Variants in ITK observed in about 807,000 individuals in gnomAD.
ITK encodes the protein tyrosine-protein kinase ITK/TSK.
Under a neutral mutation model 87.6 loss-of-function variants are expected in ITK, and 45 were observed. The observed-to-expected ratio is 0.51, with a 90% CI of 0.40 to 0.66. The LOEUF (loss-of-function observed/expected upper bound fraction) is 0.66. Ranked by LOEUF, ITK falls within the 30% of genes least tolerant of loss-of-function variation. The pLI is 0.00. For synonymous variants in ITK, 303 were observed against 273.6 expected, an observed-to-expected ratio of 1.11 and a Z score of -1.06; for missense variants, 605 against 766.3, an observed-to-expected ratio of 0.79 and a Z score of 2.48.
intron 1 of ITK, among the ~76,000 whole-genome samples, chr5:157,202,428 A>T (rs1580881715): frequency 6.6e-6 from 1 of 152,050 alleles, no homozygotes; most frequent in South Asian, 2.1e-4. Context: ...TGCCCAGGCT[A>T]GTCTCGAACT....
intron 1 of ITK, among the ~76,000 whole-genome samples, chr5:157,207,722 G>C (rs888577622): frequency 3.3e-5 from 5 of 152,066 alleles, no homozygotes; most frequent in African/African-American, 1.2e-4. Flanking sequence ...CTAAAATTAA[G>C]TCTACAAGTC....
At chr5:157,216,693 G>A (rs1362257456) in intron 4 of ITK, among the ~76,000 whole-genome samples, 1 of 152,124 alleles carries the variant, frequency 6.6e-6, no homozygotes, top group African/African-American at 2.4e-5. Flanking sequence ...GTCATAGAAT[G>A]TCCAGGGCTG....
At chr5:157,204,275 G>A (rs1276746351) in intron 1 of ITK, among the ~76,000 whole-genome samples, 1 of 152,180 alleles carries the variant, frequency 6.6e-6, no homozygotes, top group Admixed American at 6.5e-5. Flanking sequence ...AAAGATCTGG[G>A]ATTGGCTGGG....
At chr5:157,248,003 A>G (rs1755056614) in intron 15 of ITK, among the ~76,000 whole-genome samples, 1 of 152,204 alleles carries the variant, frequency 6.6e-6, no homozygotes, top group Non-Finnish European at 1.5e-5. Context: ...CTGAATTTCC[A>G]ACTCCTGAGG....
At chr5:157,189,107 C>T (rs564114226) in intron 1 of ITK, among the ~76,000 whole-genome samples, 10 of 152,238 alleles carry the variant, frequency 6.6e-5, no homozygotes, top group African/African-American at 2.2e-4. Flanking sequence ...CAAGAAAGGG[C>T]CCAAGCAAAG....
At chr5:157,239,121 G>A (rs1457047133) in intron 9 of ITK, among the ~76,000 whole-genome samples, 2 of 152,062 alleles carry the variant, frequency 1.3e-5, no homozygotes, top group Non-Finnish European at 2.9e-5. Flanking sequence ...CAGGTATGAC[G>A]GAGAAGGGAT....
chr5:157,245,127 A>G, intron 13 of ITK: 1 of 172,622 alleles, frequency 5.8e-6, no homozygotes, highest in Non-Finnish European at 1.3e-5. Flanking sequence ...TGGGAGGCTG[A>G]GGCAGGAGAA....
chr5:157,225,341 G>A (rs369582614), intron 6 of ITK, among the ~76,000 whole-genome samples: 2 of 151,942 alleles, frequency 1.3e-5, no homozygotes, highest in East Asian at 1.9e-4. Flanking sequence ...CAGAGTATGT[G>A]ATATCTTAAT....
At chr5:157,250,911 A>C (rs1367467709) in intron 16 of ITK, among the ~76,000 whole-genome samples, 1 of 151,958 alleles carries the variant, frequency 6.6e-6, no homozygotes, top group African/African-American at 2.4e-5. Context: ...GATATGCCAC[A>C]GTTTGTTTAT....
intron 9 of ITK, 80 bp from the exon 10 acceptor site, chr5:157,239,982 A>G (rs1039339027): frequency 7.3e-7 from 1 of 1,367,058 alleles, no homozygotes. Context: ...AAAGATAATA[A>G]GAACTTAATA....
chr5:157,233,588 C>T (rs866724782), intron 8 of ITK, among the ~76,000 whole-genome samples: 9 of 152,220 alleles, frequency 5.9e-5, no homozygotes, highest in Middle Eastern at 3.4e-3. Context: ...TGTTAGTTCC[C>T]GGGAATCTGT....
intron 13 of ITK, 21 bp from the exon 14 acceptor site, chr5:157,245,705 G>C: frequency 6.2e-7 from 1 of 1,611,032 alleles, no homozygotes; most frequent in Non-Finnish European, 8.5e-7. Flanking sequence ...CTCCGCCTTT[G>C]TTTGCCTGTC....
chr5:157,237,142 C>T (rs1040797703), intron 8 of ITK, among the ~76,000 whole-genome samples: 6 of 152,244 alleles, frequency 3.9e-5, no homozygotes, highest in Non-Finnish European at 8.8e-5. Context: ...TGGAATCAAC[C>T]TAGGTGCCTA....
chr5:157,244,595 ACTT>A, intron 13 of ITK, 117 bp downstream of exon 13: 1 of 737,696 alleles, frequency 1.4e-6, no homozygotes, highest in Non-Finnish European at 2.4e-6. Flanking sequence ...TCCTTTCTCA[ACTT>A]CTCCCTTCCT....
chr5:157,224,710 G>A (rs568337433), intron 6 of ITK, among the ~76,000 whole-genome samples: 109 of 152,292 alleles, frequency 7.2e-4, no homozygotes, highest in African/African-American at 2.6e-3. Context: ...GAACCTGGGA[G>A]GTGGAGGTTG....
At chr5:157,213,380 C>G (rs1754231387) in intron 3 of ITK, among the ~76,000 whole-genome samples, 1 of 152,158 alleles carries the variant, frequency 6.6e-6, no homozygotes, top group South Asian at 2.1e-4. Context: ...GGTGGGGACA[C>G]AGAGCCAAAC....
intron 6 of ITK, among the ~76,000 whole-genome samples, chr5:157,225,297 A>G (rs765132895): frequency 6.6e-6 from 1 of 152,132 alleles, no homozygotes; most frequent in Non-Finnish European, 1.5e-5. Flanking sequence ...TACCTGGCCT[A>G]TATGTCACAT....
chr5:157,221,575 G>A (rs1360615736), intron 5 of ITK, among the ~76,000 whole-genome samples: 1 of 152,002 alleles, frequency 6.6e-6, no homozygotes, highest in African/African-American at 2.4e-5. Context: ...CATATTCCAA[G>A]CTTGCATGAT....
rs2113780856 is a variant in ITK, at chr5:157,254,420, T to C, written c.*1742T>C. On this transcript the variant is annotated 3_prime_UTR_variant, in exon 17 of 17. Coordinates refer to ENST00000422843, the MANE Select transcript of ITK (RefSeq NM_005546.4). ...TTTAAAAGATTCTTCTGTAGAAGTA[T>C]GAGTTCTTCCTTTAATTATCATTCC... The C allele has an allele frequency of 4.5e-6, 1 of 222,926 alleles. No homozygotes were observed. Among genetic ancestry groups the C allele is most frequent in the African/African-American group, 2.2e-5 (1 of 44,902 alleles). The allele number at this position is 222,926 out of a possible 1,614,324, so 13.8% of individuals were successfully genotyped here. A position where few individuals can be genotyped will look rare whatever the true frequency, so the allele number is the denominator to read the frequency against.
Sources: allele counts gnomAD v4.1 joint callset (sites outside exome capture counted in the v4.1 genomes callset), GRCh38; gene constraint gnomAD v4.1.1; transcripts MANE v1.5; gene names NCBI Gene and HGNC (gene_info 2026-07-23, HGNC 2026-07-21).